Variants in GSK3B observed in about 807,000 individuals in gnomAD.
GSK3B encodes glycogen synthase kinase 3 beta, also known as glycogen synthase kinase-3 beta.
In GSK3B, 15 loss-of-function variants were observed where a neutral mutation model predicts 56.4. That is an observed-to-expected ratio of 0.27 (90% CI 0.18 to 0.41). GSK3B has a LOEUF of 0.41. GSK3B is among the 10% of genes least tolerant of loss of function. The pLI is 1.00. For missense variants in GSK3B, 300 were observed against 513.4 expected (o/e 0.58, Z 4.02); for synonymous variants, 181 against 188.9 (o/e 0.96, Z 0.34).
At chr3:119,978,523 C>G (rs1053109807) in intron 2 of GSK3B, among the ~76,000 whole-genome samples, 1 of 152,170 alleles carries the variant, frequency 6.6e-6, no homozygotes, top group South Asian at 2.1e-4. Context: ...TGCCCAAACC[C>G]GGGATGAGTG....
At chr3:120,030,286 T>C (rs2057964640) in intron 1 of GSK3B, among the ~76,000 whole-genome samples, 1 of 152,130 alleles carries the variant, frequency 6.6e-6, no homozygotes, top group Admixed American at 6.5e-5. Flanking sequence ...TCTCATGCAT[T>C]CCCAGATCTT....
intron 6 of GSK3B, among the ~76,000 whole-genome samples, chr3:119,908,438 C>T (rs576395164): frequency 3.1e-4 from 47 of 152,234 alleles, no homozygotes; most frequent in African/African-American, 1.1e-3. Flanking sequence ...CAAAAGAATA[C>T]CACCTTTCAT....
At chr3:120,001,946 TAGA>T in intron 2 of GSK3B, 97 bp downstream of exon 2, 2 of 738,808 alleles carry the variant, frequency 2.7e-6, no homozygotes, top group Non-Finnish European at 4.3e-6. Flanking sequence ...ATGCGCACAA[TAGA>T]AGAAATTTGA....
intron 7 of GSK3B, among the ~76,000 whole-genome samples, chr3:119,887,155 T>C (rs142138882): frequency 1.6e-3 from 239 of 152,254 alleles, no homozygotes; most frequent in Middle Eastern, 3.4e-3. Flanking sequence ...TTGTGAAATA[T>C]ACTTAATAGA....
Position 119,863,480 on chromosome 3 carries a change from G to A in GSK3B, c.1035C>T (p.Asp345=). The A allele has an allele frequency of 6.2e-7, 1 of 1,613,920 alleles. No individual in the cohort carries two copies. The highest frequency in any genetic ancestry group is 1.3e-5 in the African/African-American group (1 of 75,004). The change falls in exon 9 of 11, where the codon GAC becomes GAT. Residue 345 remains aspartate (D), a synonymous_variant. Coordinates refer to ENST00000264235, the MANE Select transcript of GSK3B (RefSeq NM_001146156.2). ...GCCCATTTGGTAGTTTGACATTTGG[G>A]TCCCGTAATTCATCAAAAAATGAAT... ...CAHSFFDELR[D]PNVKLPNGRD...
At chr3:119,911,051 T>G (rs2056730357) in intron 6 of GSK3B, among the ~76,000 whole-genome samples, 1 of 152,196 alleles carries the variant, frequency 6.6e-6, no homozygotes, top group Non-Finnish European at 1.5e-5. Flanking sequence ...TGGAATCAAC[T>G]TCTTCCAAAA....
At chr3:119,879,125 T>C (rs909522843) in intron 7 of GSK3B, among the ~76,000 whole-genome samples, 19 of 152,212 alleles carry the variant, frequency 1.2e-4, no homozygotes, top group Non-Finnish European at 2.1e-4. Flanking sequence ...CAATGTGTAA[T>C]AATCACATCA....
intron 3 of GSK3B, among the ~76,000 whole-genome samples, chr3:119,927,021 T>A (rs182361387): frequency 6.6e-6 from 1 of 152,314 alleles, no homozygotes; most frequent in Admixed American, 6.5e-5. Context: ...CAAGGCTCCA[T>A]GATGGCAAAG....
chr3:119,955,064 A>G (rs1401876177), intron 2 of GSK3B, among the ~76,000 whole-genome samples: 2 of 152,096 alleles, frequency 1.3e-5, no homozygotes, highest in Non-Finnish European at 2.9e-5. Context: ...CTCATTTCCA[A>G]TGTTTTGCTT....
chr3:120,059,111 T>C (rs961143961), intron 1 of GSK3B, among the ~76,000 whole-genome samples: 7 of 151,884 alleles, frequency 4.6e-5, no homozygotes, highest in African/African-American at 1.2e-4. Context: ...ACTGACTCAA[T>C]AGCAAATTGA....
At chr3:120,047,606 A>C (rs1250799743) in intron 1 of GSK3B, among the ~76,000 whole-genome samples, 1 of 152,238 alleles carries the variant, frequency 6.6e-6, no homozygotes, top group African/African-American at 2.4e-5. Flanking sequence ...ATAACAAATA[A>C]GTGTTTTCCA....
rs1424483090 is a variant in GSK3B at position 120,086,708 on chromosome 3, T to C, written c.88+6639A>G. 3.3e-5 allele frequency among the ~76,000 whole-genome samples: 5 copies of C among 151,488 alleles called. No homozygotes were observed. The East Asian group carries it at 7.8e-4, about 23-fold the overall frequency. On this transcript the variant is annotated intron_variant, in intron 1 of 10. Transcript: ENST00000264235. ...TACTCCAGAGGTTGAGGTTAAAAGATCACCCGAGCCCAGGAGGCAGAGGCT... is the reference window on the plus strand; with the variant it reads ...TACTCCAGAGGTTGAGGTTAAAAGACCACCCGAGCCCAGGAGGCAGAGGCT...
intron 2 of GSK3B, among the ~76,000 whole-genome samples, chr3:119,996,064 AAGT>A (rs1197257571): frequency 6.6e-6 from 1 of 152,244 alleles, no homozygotes; most frequent in African/African-American, 2.4e-5. Context: ...TCAAAATAAA[AAGT>A]AGCAAAAATC....
At chr3:119,939,040 C>T (rs966022902) in intron 3 of GSK3B, among the ~76,000 whole-genome samples, 3 of 148,832 alleles carry the variant, frequency 2.0e-5, no homozygotes, top group Admixed American at 6.7e-5. Flanking sequence ...GAGGTATGTG[C>T]AAGATATTCC....
intron 2 of GSK3B, among the ~76,000 whole-genome samples, chr3:119,988,337 A>G (rs1447744153): frequency 6.6e-6 from 1 of 152,222 alleles, no homozygotes; most frequent in Non-Finnish European, 1.5e-5. Context: ...CTATACTACC[A>G]TGAACAAAAT....
At chr3:119,993,768 GA>G (rs966964693) in intron 2 of GSK3B, among the ~76,000 whole-genome samples, 3 of 151,908 alleles carry the variant, frequency 2.0e-5, no homozygotes, top group South Asian at 2.1e-4. Flanking sequence ...AAGAAATACA[GA>G]AAAAAACGTG....
intron 4 of GSK3B, among the ~76,000 whole-genome samples, chr3:119,917,619 T>C (rs964274444): frequency 2.0e-5 from 3 of 151,682 alleles, no homozygotes; most frequent in African/African-American, 7.3e-5. Context: ...TGTCAGGGTA[T>C]TGATGTCTAG....
At chr3:119,874,429 T>C (rs957293149) in intron 8 of GSK3B, among the ~76,000 whole-genome samples, 1 of 152,064 alleles carries the variant, frequency 6.6e-6, no homozygotes, top group Non-Finnish European at 1.5e-5. Context: ...GTGAATGTAG[T>C]ATCTCTCTTA....
chr3:119,927,184 T>C (rs917228105), intron 3 of GSK3B, among the ~76,000 whole-genome samples: 2 of 152,236 alleles, frequency 1.3e-5, no homozygotes, highest in Admixed American at 6.5e-5. Flanking sequence ...TGTATACACA[T>C]ATAAAAATCA....
Sources: gnomAD v4.1 joint callset for allele counts (sites outside exome capture counted in the v4.1 genomes callset) on GRCh38, gnomAD v4.1.1 for gene constraint, MANE v1.5 for transcripts, NCBI Gene and HGNC (gene_info 2026-07-23, HGNC 2026-07-21) for gene names.